ADARB1: variants seen among roughly 807,000 people sequenced by gnomAD.
The protein encoded by ADARB1 is double-stranded RNA-specific editase 1.
ADARB1 carries 10 observed loss-of-function variants against 52.4 expected under a neutral mutation model. That is an observed-to-expected ratio of 0.19 (90% CI 0.12 to 0.32). The LOEUF (loss-of-function observed/expected upper bound fraction) is 0.32, where lower values mean the gene tolerates loss of function less well. ADARB1 is among the 10% of genes least tolerant of loss of function. The probability of loss-of-function intolerance (pLI) is 1.00; values close to 1 mark genes in which losing one functional copy is unlikely to be tolerated. For synonymous variants in ADARB1, 349 were observed against 371.1 expected, an observed-to-expected ratio of 0.94 and a Z score of 0.68; for missense variants, 643 against 922.3, an observed-to-expected ratio of 0.70 and a Z score of 3.92.
chr21:45,195,729 A>G (rs1259528245), intron 8 of ADARB1, among the ~76,000 whole-genome samples: 2 of 151,770 alleles, frequency 1.3e-5, no homozygotes, highest in Non-Finnish European at 2.9e-5. Context: ...GTATTTATGT[A>G]GGTCTGTTTC....
chr21:45,190,566 A>G (rs1601863317), intron 8 of ADARB1, among the ~76,000 whole-genome samples: 1 of 152,126 alleles, frequency 6.6e-6, no homozygotes, highest in African/African-American at 2.4e-5. Context: ...AAAAAGAACC[A>G]TCTCTCCCAG....
intron 2 of ADARB1, among the ~76,000 whole-genome samples, chr21:45,129,986 G>A (rs770699105): frequency 6.6e-6 from 1 of 152,166 alleles, no homozygotes; most frequent in Admixed American, 6.5e-5. Flanking sequence ...CCAAGTATGG[G>A]AAGGTCAAAA....
intron 2 of ADARB1, among the ~76,000 whole-genome samples, chr21:45,159,355 A>G (rs2090841190): frequency 6.6e-6 from 1 of 152,186 alleles, no homozygotes; most frequent in Admixed American, 6.5e-5. Context: ...TGATTCAATT[A>G]TCTCCCACTG....
intron 2 of ADARB1, among the ~76,000 whole-genome samples, chr21:45,150,012 G>A (rs530574632): frequency 3.9e-5 from 6 of 152,340 alleles, no homozygotes; most frequent in South Asian, 2.1e-4. Context: ...GGCCAGATGC[G>A]GTGGCTCACG....
intron 2 of ADARB1, among the ~76,000 whole-genome samples, chr21:45,163,035 G>A (rs773414028): frequency 4.0e-5 from 6 of 150,914 alleles, no homozygotes; most frequent in African/African-American, 9.9e-5. Flanking sequence ...TTTTGCAGAC[G>A]GCAGGCTGGT....
At chr21:45,141,790 C>T (rs1278260895) in intron 2 of ADARB1, among the ~76,000 whole-genome samples, 1 of 151,366 alleles carries the variant, frequency 6.6e-6, no homozygotes, top group African/African-American at 2.4e-5. Context: ...GTCGCCTTAG[C>T]CACGCCTGGG....
At chr21:45,080,641 C>A (rs2086117213) in intron 1 of ADARB1, among the ~76,000 whole-genome samples, 1 of 152,240 alleles carries the variant, frequency 6.6e-6, no homozygotes, top group Admixed American at 6.5e-5. Flanking sequence ...CGGAAAGATA[C>A]ATGTGGAAAT....
intron 7 of ADARB1, among the ~76,000 whole-genome samples, 177 bp from the exon 8 acceptor site, chr21:45,184,746 C>T (rs958554016): frequency 1.3e-5 from 2 of 152,188 alleles, no homozygotes; most frequent in African/African-American, 4.8e-5. Context: ...CCACCATACC[C>T]AGCCTCTCAG....
chr21:45,101,733 T>A (rs1569008603), intron 1 of ADARB1, among the ~76,000 whole-genome samples: 1 of 152,198 alleles, frequency 6.6e-6, no homozygotes, highest in South Asian at 2.1e-4. Flanking sequence ...ATACACAAGC[T>A]TTTGGAGTTT....
intron 2 of ADARB1, among the ~76,000 whole-genome samples, chr21:45,156,861 G>A (rs149682758): frequency 6.6e-6 from 1 of 152,232 alleles, no homozygotes; most frequent in East Asian, 1.9e-4. Context: ...ATCCCACTAG[G>A]TGCATGAAGA....
chr21:45,122,486 C>G (rs2088258839), intron 1 of ADARB1, among the ~76,000 whole-genome samples: 1 of 152,198 alleles, frequency 6.6e-6, no homozygotes, highest in South Asian at 2.1e-4. Flanking sequence ...ATTGTGGAAA[C>G]CCCTTCAGCT....
chr21:45,100,007 T>C (rs1184715855), intron 1 of ADARB1, among the ~76,000 whole-genome samples: 1 of 152,206 alleles, frequency 6.6e-6, no homozygotes, highest in Non-Finnish European at 1.5e-5. Flanking sequence ...AACACATGGA[T>C]AGAAATAGTG....
chr21:45,187,488 G>C (rs2092147595), intron 8 of ADARB1, among the ~76,000 whole-genome samples: 1 of 152,010 alleles, frequency 6.6e-6, no homozygotes, highest in South Asian at 2.1e-4. Context: ...TTCCATTTTG[G>C]ATGCCCTTTA....
chr21:45,106,308 A>C (rs2087256950), intron 1 of ADARB1, among the ~76,000 whole-genome samples: 1 of 151,966 alleles, frequency 6.6e-6, no homozygotes, highest in African/African-American at 2.4e-5. Context: ...GTTGTGTTTA[A>C]TGTTTCAACC....
At position 45,208,675 on chromosome 21, in the gene ADARB1, T is replaced by TGTG. The variant is rs2092711165; in HGVS notation, c.1747+3939_1747+3940insGTG. 2.6e-5 allele frequency among the ~76,000 whole-genome samples: 4 copies of TGTG among 151,670 alleles called. No individual in the cohort carries two copies. Among genetic ancestry groups the TGTG allele is most frequent in the African/African-American group, 7.3e-5 (3 of 41,240 alleles). On this transcript the variant is annotated intron_variant, in intron 9 of 10. Coordinates refer to ENST00000348831, the MANE Select transcript of ADARB1 (RefSeq NM_001112.4). The surrounding 1 kb of genome is among the most constrained non-coding windows in gnomAD (Gnocchi z 5.6). ...GAGTGTGTGCATGAGTGCGTGTGTG[T>TGTG]ATGAGTGTGTGTGCATGTGTGTGTG...
At chr21:45,088,735 A>G (rs2086444474) in intron 1 of ADARB1, among the ~76,000 whole-genome samples, 1 of 152,202 alleles carries the variant, frequency 6.6e-6, no homozygotes, top group African/African-American at 2.4e-5. Flanking sequence ...AGGGAAAAAT[A>G]GTAACTTTAG....
At chr21:45,156,413 AT>A (rs2090637874) in intron 2 of ADARB1, among the ~76,000 whole-genome samples, 1 of 146,424 alleles carries the variant, frequency 6.8e-6, no homozygotes, top group African/African-American at 2.6e-5. Flanking sequence ...CCACCCACCC[AT>A]CATCACCCAT....
Position 45,225,629 on chromosome 21 carries a change from T to C in ADARB1, c.*3432T>C. ...TTAGCGAAGCTGTGGAGACTGCACA[T>C]CCGGACCTGCCCATGTCTCAAAACA... On this transcript the variant is annotated 3_prime_UTR_variant, in exon 11 of 11. Coordinates refer to ENST00000348831, the MANE Select transcript of ADARB1 (RefSeq NM_001112.4). 1 of 1,231,158 alleles carries C rather than the reference T, an allele frequency of 8.1e-7. No homozygotes were observed. 76.3% of individuals were successfully genotyped at this position (1,231,158 alleles called of 1,614,324 possible).
chr21:45,075,652 T>G (rs73230658), intron 1 of ADARB1, among the ~76,000 whole-genome samples: 4,225 of 152,246 alleles, frequency 0.028, 54 homozygotes, highest in South Asian at 0.055. Context: ...CGAGGGAAGG[T>G]GTCAGATTGG....
Sources: gnomAD v4.1 joint callset for allele counts (sites outside exome capture counted in the v4.1 genomes callset) on GRCh38, gnomAD v4.1.1 for gene constraint, Gnocchi (gnomAD v3.1) non-coding constraint, MANE v1.5 for transcripts, NCBI Gene and HGNC (gene_info 2026-07-23, HGNC 2026-07-21) for gene names.